BMAL2: variants seen among roughly 807,000 people sequenced by gnomAD.
BMAL2 encodes basic helix-loop-helix ARNT-like protein 2.
the BMAL2 span, among the ~76,000 whole-genome samples, chr12:27,386,611 A>G: frequency 6.6e-6 from 1 of 152,088 alleles, no homozygotes; most frequent in Non-Finnish European, 1.5e-5. Context: ...GTGTAGTAGA[A>G]TTTGGTAAAG....
At chr12:27,360,918 T>C in the BMAL2 span, among the ~76,000 whole-genome samples, 9 of 151,362 alleles carry the variant, frequency 5.9e-5, no homozygotes, top group Admixed American at 5.9e-4. Flanking sequence ...CTTTCATTTC[T>C]CAAGGAAGTA....
At chr12:27,353,774 C>T in the BMAL2 span, among the ~76,000 whole-genome samples, 4 of 152,204 alleles carry the variant, frequency 2.6e-5, no homozygotes, top group African/African-American at 7.2e-5. Flanking sequence ...TAAACAGACA[C>T]TTCTCAAAAG....
the BMAL2 span, chr12:27,403,410 T>C: frequency 7.2e-7 from 1 of 1,398,092 alleles, no homozygotes; most frequent in East Asian, 2.3e-5. Flanking sequence ...CTCAACTGAA[T>C]TTCTCCTTTT....
the BMAL2 span, chr12:27,370,369 T>G: frequency 6.4e-6 from 4 of 621,112 alleles, no homozygotes; most frequent in African/African-American, 5.5e-5. Flanking sequence ...AATCCTTCCT[T>G]TATCCTACCA....
chr12:27,395,757 A>C, the BMAL2 span, among the ~76,000 whole-genome samples: 8 of 152,236 alleles, frequency 5.3e-5, no homozygotes, highest in Non-Finnish European at 1.0e-4. Context: ...CAAATGGTCA[A>C]TTAGAGTTAA....
chr12:27,389,084 CAATCAAA>C, the BMAL2 span: 2 of 861,112 alleles, frequency 2.3e-6, no homozygotes, highest in Admixed American at 4.1e-5. Flanking sequence ...TGAGAAAAAT[CAATCAAA>C]AATCAAAAAA....
At chr12:27,396,897 C>A in the BMAL2 span, among the ~76,000 whole-genome samples, 1 of 143,108 alleles carries the variant, frequency 7.0e-6, no homozygotes, top group African/African-American at 2.8e-5. Flanking sequence ...AATATAAACC[C>A]TGATTTGCCA....
the BMAL2 span, chr12:27,400,442 G>T: frequency 2.8e-6 from 3 of 1,088,360 alleles, no homozygotes; most frequent in Non-Finnish European, 3.8e-6. Context: ...GCATTTTATA[G>T]CACAATTATA....
chr12:27,345,336 G>A, the BMAL2 span, among the ~76,000 whole-genome samples: 12 of 152,258 alleles, frequency 7.9e-5, no homozygotes, highest in African/African-American at 2.6e-4. Context: ...AATTGAGGAT[G>A]GGACATGCAT....
At chr12:27,414,067 C>T in the BMAL2 span, among the ~76,000 whole-genome samples, 1 of 152,044 alleles carries the variant, frequency 6.6e-6, no homozygotes, top group Non-Finnish European at 1.5e-5. Context: ...AAAAACTCCC[C>T]TGCAAAACTG....
the BMAL2 span, among the ~76,000 whole-genome samples, chr12:27,395,864 C>G: frequency 3.3e-5 from 5 of 152,196 alleles, no homozygotes; most frequent in Non-Finnish European, 5.9e-5. Context: ...CTCCCAACAG[C>G]CATGCTGTAG....
At chr12:27,341,270 T>C in the BMAL2 span, among the ~76,000 whole-genome samples, 2 of 152,172 alleles carry the variant, frequency 1.3e-5, no homozygotes. Context: ...ATGGCTCTTA[T>C]TATTTTGAGG....
chr12:27,380,320 A>C, the BMAL2 span: 1 of 1,614,190 alleles, frequency 6.2e-7, no homozygotes, highest in Non-Finnish European at 8.5e-7. Context: ...GTCTGCAATG[A>C]TCCCTCAGTG....
At chr12:27,344,147 C>G in the BMAL2 span, among the ~76,000 whole-genome samples, 2 of 152,182 alleles carry the variant, frequency 1.3e-5, no homozygotes, top group Non-Finnish European at 2.9e-5. Context: ...AGTACATTGC[C>G]TAAGATTAAG....
the BMAL2 span, among the ~76,000 whole-genome samples, chr12:27,363,649 A>G: frequency 2.6e-5 from 4 of 152,156 alleles, no homozygotes; most frequent in African/African-American, 9.7e-5. Flanking sequence ...CCAGTTTTCT[A>G]TTGAGAGTCA....
the BMAL2 span, among the ~76,000 whole-genome samples, chr12:27,410,496 C>CA: frequency 4.6e-5 from 7 of 152,046 alleles, no homozygotes; most frequent in East Asian, 7.7e-4. Flanking sequence ...ATGGCAAGGA[C>CA]AAAAAACCAA....
the BMAL2 span, among the ~76,000 whole-genome samples, chr12:27,365,604 A>G: frequency 6.6e-6 from 1 of 151,906 alleles, no homozygotes; most frequent in Non-Finnish European, 1.5e-5. Flanking sequence ...CAATTTCGGT[A>G]AGTTAAAATT....
the BMAL2 span, among the ~76,000 whole-genome samples, chr12:27,382,501 G>T: frequency 3.2e-4 from 49 of 152,334 alleles, no homozygotes; most frequent in African/African-American, 1.1e-3. Flanking sequence ...TCAGCAGGGA[G>T]GAGGTGAGTC....
At chr12:27,397,782 T>G in the BMAL2 span, among the ~76,000 whole-genome samples, 1 of 152,246 alleles carries the variant, frequency 6.6e-6, no homozygotes, top group Non-Finnish European at 1.5e-5. Flanking sequence ...GATGGGTGAC[T>G]GCTACCAAAT....
Sources: allele counts gnomAD v4.1 joint callset (sites outside exome capture counted in the v4.1 genomes callset), GRCh38; gene constraint gnomAD v4.1.1; transcripts MANE v1.5; gene names NCBI Gene and HGNC (gene_info 2026-07-23, HGNC 2026-07-21).